LPAR3: variants seen among roughly 807,000 people sequenced by gnomAD.
The protein encoded by LPAR3 is lysophosphatidic acid receptor 3, also known as LPA receptor 3.
A neutral mutation model predicts 17.8 loss-of-function variants in LPAR3; 7 were observed. That is an observed-to-expected ratio of 0.39 (90% CI 0.22 to 0.74). The LOEUF (loss-of-function observed/expected upper bound fraction) is 0.74, where lower values mean the gene tolerates loss of function less well. Ranked by LOEUF, LPAR3 falls within the 30% of genes least tolerant of loss-of-function variation. The probability of loss-of-function intolerance (pLI) is 0.40; values close to 1 mark genes in which losing one functional copy is unlikely to be tolerated. For missense variants in LPAR3, 391 were observed against 453.4 expected, an observed-to-expected ratio of 0.86 and a Z score of 1.25; for synonymous variants, 179 against 179.9, an observed-to-expected ratio of 0.99 and a Z score of 0.04.
intron 2 of LPAR3, among the ~76,000 whole-genome samples, chr1:84,815,254 G>A (rs919746104): frequency 2.0e-5 from 3 of 152,126 alleles, no homozygotes; most frequent in Admixed American, 6.5e-5. Flanking sequence ...TATATGACCC[G>A]CCTCTGTAGT....
At chr1:84,870,017 G>T (rs1239763396) in intron 1 of LPAR3, among the ~76,000 whole-genome samples, 1 of 152,102 alleles carries the variant, frequency 6.6e-6, no homozygotes, top group Non-Finnish European at 1.5e-5. Context: ...CCCAGTACAC[G>T]TTATCTACAG....
At chr1:84,873,204 C>T (rs1660189784) in intron 1 of LPAR3, among the ~76,000 whole-genome samples, 1 of 152,134 alleles carries the variant, frequency 6.6e-6, no homozygotes, top group Non-Finnish European at 1.5e-5. Context: ...AAACAAAGTA[C>T]AGATTTTAGT....
intron 1 of LPAR3, among the ~76,000 whole-genome samples, chr1:84,869,463 A>T (rs1476289308): frequency 2.6e-5 from 4 of 152,246 alleles, no homozygotes; most frequent in African/African-American, 7.2e-5. Context: ...AAGATTGCAC[A>T]GGATGGAATA....
At chr1:84,825,523 C>A (rs1268310277) in intron 2 of LPAR3, among the ~76,000 whole-genome samples, 1 of 152,128 alleles carries the variant, frequency 6.6e-6, no homozygotes, top group Non-Finnish European at 1.5e-5. Flanking sequence ...TTTAAATGGA[C>A]AGGAATGTTA....
chr1:84,832,414 A>C (rs1659302749), intron 2 of LPAR3, among the ~76,000 whole-genome samples: 1 of 152,198 alleles, frequency 6.6e-6, no homozygotes, highest in Non-Finnish European at 1.5e-5. Context: ...ACATAGAAAT[A>C]ACTGTCATAG....
intron 1 of LPAR3, among the ~76,000 whole-genome samples, chr1:84,870,570 T>A (rs1043866931): frequency 9.2e-5 from 14 of 152,244 alleles, no homozygotes; most frequent in Non-Finnish European, 1.6e-4. Context: ...TTACTTAATA[T>A]CTCTACTTTA....
intron 2 of LPAR3, among the ~76,000 whole-genome samples, chr1:84,826,106 C>T (rs1659149203): frequency 6.6e-6 from 1 of 151,408 alleles, no homozygotes; most frequent in Admixed American, 6.6e-5. Context: ...TACTCTAGAG[C>T]TCGAGTTATT....
chr1:84,856,714 C>T (rs1053979515), intron 2 of LPAR3, among the ~76,000 whole-genome samples: 3 of 152,092 alleles, frequency 2.0e-5, no homozygotes, highest in South Asian at 2.1e-4. Flanking sequence ...TAGCTACTCT[C>T]GAAGGATTTG....
At position 84,827,715 on chromosome 1, in the gene LPAR3, A is replaced by T. The variant is rs114460025; in HGVS notation, c.737-13544T>A. Among the ~76,000 whole-genome samples, 797 of 152,312 alleles carry T rather than the reference A, an allele frequency of 5.2e-3. 7 individuals are homozygous for T. The highest frequency in any genetic ancestry group is 0.018 in the African/African-American group (747 of 41,558). ...AAGCAGATGACCGCATCTGGTAAGA[A>T]CTGCAACTAAATAAAGTCAACAGAG... On this transcript the variant is annotated intron_variant, in intron 2 of 2. Coordinates refer to ENST00000370611, the MANE Select transcript of LPAR3 (RefSeq NM_012152.3).
intron 1 of LPAR3, among the ~76,000 whole-genome samples, chr1:84,885,504 C>A (rs1191432127): frequency 6.6e-6 from 1 of 152,298 alleles, no homozygotes; most frequent in East Asian, 1.9e-4. Flanking sequence ...ATACACTATT[C>A]CTCTTTGCTT....
At chr1:84,888,435 T>G (rs1271249019) in intron 1 of LPAR3, among the ~76,000 whole-genome samples, 1 of 152,172 alleles carries the variant, frequency 6.6e-6, no homozygotes, top group Non-Finnish European at 1.5e-5. Flanking sequence ...ATCCCTTGCT[T>G]TGGTTTTCTA....
intron 2 of LPAR3, among the ~76,000 whole-genome samples, chr1:84,849,770 G>T (rs569667156): frequency 6.6e-6 from 1 of 152,154 alleles, no homozygotes; most frequent in Non-Finnish European, 1.5e-5. Context: ...AGGCCTCAAC[G>T]AAAATACTTC....
intron 2 of LPAR3, among the ~76,000 whole-genome samples, chr1:84,846,494 T>A (rs1348227029): frequency 6.6e-6 from 1 of 152,204 alleles, no homozygotes; most frequent in African/African-American, 2.4e-5. Context: ...TATAGCTACT[T>A]ATATTTCTCT....
chr1:84,834,470 C>G (rs1460620378), intron 2 of LPAR3, among the ~76,000 whole-genome samples: 1 of 152,172 alleles, frequency 6.6e-6, no homozygotes, highest in Non-Finnish European at 1.5e-5. Flanking sequence ...GGAAAATCAA[C>G]TTTACTGTTC....
At chr1:84,853,556 C>T (rs1659761235) in intron 2 of LPAR3, among the ~76,000 whole-genome samples, 2 of 152,168 alleles carry the variant, frequency 1.3e-5, no homozygotes, top group South Asian at 2.1e-4. Context: ...GCCAGATTTC[C>T]ATAAGCTCAC....
chr1:84,890,903 T>C (rs1270936917), intron 1 of LPAR3, among the ~76,000 whole-genome samples: 1 of 152,126 alleles, frequency 6.6e-6, no homozygotes, highest in Non-Finnish European at 1.5e-5. Flanking sequence ...ATAAGTGATG[T>C]TGAGAGTGTG....
chr1:84,859,860 T>C (rs1420849827), intron 2 of LPAR3, among the ~76,000 whole-genome samples: 5 of 152,254 alleles, frequency 3.3e-5, no homozygotes, highest in African/African-American at 1.2e-4. Context: ...AAAACATTTC[T>C]GTGTGCACAG....
intron 2 of LPAR3, among the ~76,000 whole-genome samples, chr1:84,825,281 T>C (rs549164273): frequency 1.9e-4 from 29 of 152,346 alleles, no homozygotes; most frequent in African/African-American, 6.7e-4. Context: ...CAGCAAAAAC[T>C]GGGATCTTGA....
intron 2 of LPAR3, among the ~76,000 whole-genome samples, chr1:84,824,618 C>T (rs961433498): frequency 8.5e-5 from 13 of 152,116 alleles, no homozygotes; most frequent in Non-Finnish European, 1.6e-4. Context: ...GATGATATGA[C>T]CCAACAGGAT....
Sources: allele counts gnomAD v4.1 joint callset (sites outside exome capture counted in the v4.1 genomes callset), GRCh38; gene constraint gnomAD v4.1.1; transcripts MANE v1.5; gene names NCBI Gene and HGNC (gene_info 2026-07-23, HGNC 2026-07-21).